GABRB1: variants seen among roughly 807,000 people sequenced by gnomAD.
The protein encoded by GABRB1 is gamma-aminobutyric acid receptor subunit beta-1.
Under a neutral mutation model 51.6 loss-of-function variants are expected in GABRB1, and 17 were observed. The ratio of observed to expected loss-of-function variants is 0.33; its 90% CI spans 0.23 to 0.49. GABRB1 has a LOEUF of 0.49. Among genes scored for constraint, GABRB1 ranks in the 20% least tolerant of loss-of-function variants. GABRB1 has a pLI of 0.99. For missense variants in GABRB1, 410 were observed against 600.6 expected (o/e 0.68, Z 3.32); for synonymous variants, 247 against 218.9 (o/e 1.13, Z -1.14).
chr4:47,020,331 G>A (rs895295465), intron 1 of GABRB1, among the ~76,000 whole-genome samples: 4 of 152,016 alleles, frequency 2.6e-5, no homozygotes, highest in Middle Eastern at 3.2e-3. Flanking sequence ...AATTTGGGGG[G>A]AACAATTCAA....
chr4:47,225,095 A>G (rs139156157), intron 4 of GABRB1, among the ~76,000 whole-genome samples: 15 of 152,120 alleles, frequency 9.9e-5, no homozygotes, highest in African/African-American at 3.4e-4. Context: ...GGATTTCTCC[A>G]TGTTGGTCAG....
intron 3 of GABRB1, among the ~76,000 whole-genome samples, chr4:47,038,950 T>C (rs1725712392): frequency 6.7e-6 from 1 of 149,748 alleles, no homozygotes; most frequent in African/African-American, 2.4e-5. Context: ...CTGAAATTCC[T>C]TTTCCCAAAA....
chr4:47,046,999 G>A (rs1480958780), intron 3 of GABRB1, among the ~76,000 whole-genome samples: 1 of 152,074 alleles, frequency 6.6e-6, no homozygotes, highest in African/African-American at 2.4e-5. Flanking sequence ...AGAGGCTGGA[G>A]GGTGGCAGGA....
chr4:47,312,506 T>C (rs907553864), intron 4 of GABRB1, among the ~76,000 whole-genome samples: 9 of 152,188 alleles, frequency 5.9e-5, no homozygotes, highest in African/African-American at 2.2e-4. Flanking sequence ...GTAACTAACA[T>C]GAATTAAAGG....
In GABRB1 at chr4:47,406,681, G is replaced by A; in HGVS notation, c.836-1G>A. The A allele has an allele frequency of 6.2e-7, 1 of 1,614,022 alleles. No individual in the cohort carries two copies. The highest frequency in any genetic ancestry group is 8.5e-7 in the Non-Finnish European group (1 of 1,179,938). On this transcript the variant is annotated splice_acceptor_variant, in intron 7 of 8. Coordinates refer to ENST00000295454, the MANE Select transcript of GABRB1 (RefSeq NM_000812.4). LOFTEE classifies it high-confidence loss of function. The stretch of plus-strand genomic sequence containing the variant: ...CTAAGTGTTGTCTTTCTCTTTCACA[G>A]GAATCACGACAGTGCTTACAATGAC...
intron 3 of GABRB1, among the ~76,000 whole-genome samples, chr4:47,137,315 G>C (rs1271071028): frequency 1.1e-5 from 1 of 87,504 alleles, no homozygotes; most frequent in Non-Finnish European, 2.3e-5. Flanking sequence ...GCATGATATC[G>C]CATGTCAGTC....
At chr4:47,049,705 G>A (rs910925773) in intron 3 of GABRB1, among the ~76,000 whole-genome samples, 2 of 151,990 alleles carry the variant, frequency 1.3e-5, no homozygotes, top group African/African-American at 4.8e-5. Context: ...CTAAATGAAG[G>A]CAATGGAAAT....
intron 4 of GABRB1, among the ~76,000 whole-genome samples, chr4:47,247,434 A>G (rs1380356400): frequency 6.6e-6 from 1 of 152,136 alleles, no homozygotes; most frequent in East Asian, 1.9e-4. Context: ...CTTACAGTAT[A>G]GTTTGAAATC....
chr4:47,215,907 A>C (rs1720535062), intron 4 of GABRB1, among the ~76,000 whole-genome samples: 2 of 152,082 alleles, frequency 1.3e-5, no homozygotes, highest in Non-Finnish European at 2.9e-5. Context: ...AGCTCCTCTG[A>C]AATTATTCAC....
At chr4:47,419,824 T>G (rs146222347) in intron 8 of GABRB1, among the ~76,000 whole-genome samples, 6 of 152,292 alleles carry the variant, frequency 3.9e-5, no homozygotes, top group African/African-American at 1.4e-4. Flanking sequence ...TATGCCTGTC[T>G]AATAAGGAGT....
chr4:47,008,857 T>TTTTTTTTTTTTTTTTTTTG, intron 1 of GABRB1, among the ~76,000 whole-genome samples: 1 of 73,150 alleles, frequency 1.4e-5, no homozygotes, highest in African/African-American at 5.8e-5. Context: ...TACTACCTTT[T>TTTTTTTTTTTTTTTTTTTG]TTTTTTTTTT....
intron 4 of GABRB1, among the ~76,000 whole-genome samples, chr4:47,217,275 A>G (rs1720591141): frequency 6.6e-6 from 1 of 151,858 alleles, no homozygotes; most frequent in Non-Finnish European, 1.5e-5. Context: ...TAAGTAGAAA[A>G]TGACTACATG....
chr4:47,009,847 T>G, intron 1 of GABRB1, among the ~76,000 whole-genome samples: 1 of 152,174 alleles, frequency 6.6e-6, no homozygotes. Context: ...CGGAAATAAA[T>G]AAAACCAAGA....
intron 3 of GABRB1, among the ~76,000 whole-genome samples, chr4:47,049,239 G>A (rs1446862849): frequency 6.6e-6 from 1 of 152,072 alleles, no homozygotes; most frequent in Non-Finnish European, 1.5e-5. Flanking sequence ...ATGAAGACCC[G>A]AATAATCCAA....
intron 4 of GABRB1, among the ~76,000 whole-genome samples, chr4:47,229,628 G>T (rs977750286): frequency 4.6e-5 from 7 of 152,086 alleles, no homozygotes; most frequent in African/African-American, 1.7e-4. Flanking sequence ...ATGTATTGCA[G>T]ATACTGTGAC....
At chr4:47,156,081 T>G (rs1717686753) in intron 3 of GABRB1, among the ~76,000 whole-genome samples, 1 of 151,718 alleles carries the variant, frequency 6.6e-6, no homozygotes. Context: ...TCTTTTGGCA[T>G]GTACCCAGCA....
intron 3 of GABRB1, among the ~76,000 whole-genome samples, chr4:47,050,516 G>GGGA (rs1726300177): frequency 6.6e-6 from 1 of 152,008 alleles, no homozygotes; most frequent in Admixed American, 6.6e-5. Context: ...GATGCAAAGG[G>GGGA]GGAAGTAAAT....
At position 47,295,776 on chromosome 4, in the gene GABRB1, C is replaced by T. The variant is rs542743210; in HGVS notation, c.462-24351C>T. Among the ~76,000 whole-genome samples the T allele has an allele frequency of 1.1e-4, 17 of 152,144 alleles. No homozygotes were observed. In the South Asian group the frequency reaches 2.5e-3, roughly 22 times the overall value. ...CAGAGAATGCCACAAAGATACTCCT[C>T]GAGAAGAGCAACTCCAAGACACATA... On this transcript the variant is annotated intron_variant, in intron 4 of 8. Transcript: ENST00000295454.
At chr4:47,274,956 G>C (rs962832484) in intron 4 of GABRB1, among the ~76,000 whole-genome samples, 3 of 152,178 alleles carry the variant, frequency 2.0e-5, no homozygotes, top group Admixed American at 2.0e-4. Context: ...AGGTCAACAA[G>C]TAGATTAAAT....
Sources: allele counts gnomAD v4.1 joint callset (sites outside exome capture counted in the v4.1 genomes callset), GRCh38; gene constraint gnomAD v4.1.1; transcripts MANE v1.5; gene names NCBI Gene and HGNC (gene_info 2026-07-23, HGNC 2026-07-21).